Variants in MYH9 observed in about 807,000 individuals in gnomAD.
MYH9 encodes the protein myosin heavy chain 9.
MYH9 carries 29 observed loss-of-function variants against 241.9 expected under a neutral mutation model. The ratio of observed to expected loss-of-function variants is 0.12; its 90% confidence interval spans 0.09 to 0.16. The LOEUF (loss-of-function observed/expected upper bound fraction) is 0.16. Among genes scored for constraint, MYH9 ranks in the 10% least tolerant of loss-of-function variants. The pLI, the probability that MYH9 is intolerant of heterozygous loss-of-function variation, is 1.00. For missense variants in MYH9, 1,803 were observed against 2,595.5 expected (o/e 0.69, Z 6.63); for synonymous variants, 1,047 against 1,062.6 (o/e 0.99, Z 0.29).
rs2018383091 is a variant in MYH9, at chr22:36,387,901, G to A, written c.-114C>T. ...CGGCCGGGTGGGGCGAGCGCACGAG[G>A]CGGGAGCTGCAGCAGGTCAGCCTTG... is the stretch of plus-strand genomic sequence containing the variant. On this transcript the variant is annotated 5_prime_UTR_variant, in exon 1 of 41. Transcript: ENST00000216181. The A allele has an allele frequency of 6.6e-6, 1 of 152,218 alleles. No individual in the cohort carries two copies. The highest frequency in any genetic ancestry group is 1.5e-5 in the Non-Finnish European group (1 of 68,086). The allele number at this position is 152,218 out of a possible 1,614,324, so 9.4% of individuals were successfully genotyped here. A position where few individuals can be genotyped will look rare whatever the true frequency, so the allele number is the denominator to read the frequency against.
Position 36,288,494 on chromosome 22 carries a change from G to T in MYH9, c.4771-81C>A. On this transcript the variant is annotated intron_variant, in intron 33 of 40. Coordinates refer to ENST00000216181, the MANE Select transcript of MYH9 (RefSeq NM_002473.6). This position sits in a 1 kb window ranked among gnomAD's most constrained non-coding sequence, Gnocchi z 4.8. ...CTAGCTCTGAACTCAGGAGCCTCAG[G>T]CCAGTTCTGCAGGATCCATGGGGCC... 3 of 1,571,318 alleles carry T rather than the reference G, an allele frequency of 1.9e-6. No homozygotes were observed. Among genetic ancestry groups the T allele is most frequent in the Non-Finnish European group, 2.6e-6 (3 of 1,154,702 alleles).
At chr22:36,320,000 A>G (rs1159079412) in intron 9 of MYH9, among the ~76,000 whole-genome samples, 4 of 152,206 alleles carry the variant, frequency 2.6e-5, no homozygotes, top group Admixed American at 6.5e-5. Context: ...GCAGTTAAGA[A>G]CATGTCCTTT....
chr22:36,326,496 C>T (rs12627836), intron 5 of MYH9, 72 bp downstream of exon 5: 7 of 1,340,110 alleles, frequency 5.2e-6, no homozygotes, highest in Admixed American at 3.4e-5. Context: ...GCCGGGACCA[C>T]TAAGTGCTCT....
At chr22:36,356,171 T>C (rs1281445904) in intron 1 of MYH9, among the ~76,000 whole-genome samples, 1 of 152,216 alleles carries the variant, frequency 6.6e-6, no homozygotes, top group African/African-American at 2.4e-5. Flanking sequence ...TTTGTTTTTT[T>C]CCATCCCCAC....
Position 36,300,327 on chromosome 22 carries a change from G to A in MYH9, c.2839-63C>T. On this transcript the variant is annotated intron_variant, in intron 22 of 40. Transcript: ENST00000216181. The surrounding 1 kb of genome is among the most constrained non-coding windows in gnomAD (Gnocchi z 5.0). ...CAGAGGCATGGCCAAGGTGAAGGCA[G>A]CAAGGTCCGAAGGCCAGATCCAAAC... 6.2e-7 allele frequency: 1 copy of A among 1,603,236 alleles called. No homozygotes were observed. The highest frequency in any genetic ancestry group is 8.5e-7 in the Non-Finnish European group (1 of 1,178,270).
chr22:36,312,333 G>GATT, intron 13 of MYH9, 111 bp from the exon 14 acceptor site: 3 of 1,099,678 alleles, frequency 2.7e-6, no homozygotes, highest in Non-Finnish European at 4.0e-6. Context: ...CAGACGGTGG[G>GATT]CGACACACTC....
Position 36,306,082 on chromosome 22 carries a change from ACTTCCGTG to A in MYH9, c.2038-39_2038-32del. ...GAAGAAAACACATGCATGCGGTCTC[ACTTCCGTG>A]CCTAGAACAGTCGGAGAATAGTCAG... On this transcript the variant is annotated intron_variant, in intron 16 of 40. Transcript: ENST00000216181. This position sits in a 1 kb window ranked among gnomAD's most constrained non-coding sequence, Gnocchi z 4.1. 1 of 1,611,726 alleles carries A rather than the reference ACTTCCGTG, an allele frequency of 6.2e-7. No homozygotes were observed. Among genetic ancestry groups the A allele is most frequent in the Non-Finnish European group, 8.5e-7 (1 of 1,179,960 alleles).
chr22:36,353,467 T>G (rs1949748903), intron 1 of MYH9, among the ~76,000 whole-genome samples: 1 of 151,846 alleles, frequency 6.6e-6, no homozygotes, highest in Non-Finnish European at 1.5e-5. Flanking sequence ...TTCAAGCAAT[T>G]CTCCTGTCTC....
Position 36,304,305 on chromosome 22 carries a change from CCTT to C in MYH9, c.2230-153_2230-151del, listed in dbSNP as rs565718456. 4.4e-4 allele frequency: 361 copies of C among 812,666 alleles called. 1 individual carries two copies. In the African/African-American group the frequency reaches 5.2e-3, roughly 12 times the overall value. 50.3% of individuals were successfully genotyped at this position (812,666 alleles called of 1,614,324 possible). ...GAGCAGAAAGCCATCTCCTCTCCCT[CCTT>C]CTTCCTGTTCCCTATCTCCCCGTCA... On this transcript the variant is annotated intron_variant, in intron 18 of 40. Transcript: ENST00000216181.
chr22:36,368,037 C>T (rs1420099888), intron 1 of MYH9, among the ~76,000 whole-genome samples: 2 of 152,134 alleles, frequency 1.3e-5, no homozygotes, highest in African/African-American at 4.8e-5. Flanking sequence ...ATACAGACAC[C>T]CCAGAGGATG....
At chr22:36,368,658 C>T (rs2018046035) in intron 1 of MYH9, among the ~76,000 whole-genome samples, 1 of 152,128 alleles carries the variant, frequency 6.6e-6, no homozygotes, top group Admixed American at 6.5e-5. Context: ...TCTAAGATAA[C>T]AGTGCTGGGA....
chr22:36,323,824 C>T (rs1483709332), intron 5 of MYH9, among the ~76,000 whole-genome samples: 1 of 152,212 alleles, frequency 6.6e-6, no homozygotes, highest in African/African-American at 2.4e-5. Flanking sequence ...GCTCTAGTGC[C>T]CGCCCCTGAA....
In MYH9 at chr22:36,282,935, C is replaced by T. The variant is rs933238320; in HGVS notation, c.5766-150G>A. ...AAGAAGCAAAGTGGAGTCTTGGGAGCCACAGCTGAGCTAGACAGGACCACT... is the reference window on the plus strand; with the variant it reads ...AAGAAGCAAAGTGGAGTCTTGGGAGTCACAGCTGAGCTAGACAGGACCACT... On this transcript the variant is annotated intron_variant, in intron 40 of 40. Coordinates refer to ENST00000216181, the MANE Select transcript of MYH9 (RefSeq NM_002473.6). 1.5e-5 allele frequency: 11 copies of T among 714,334 alleles called. No individual in the cohort carries two copies. In the African/African-American group the frequency reaches 2.0e-4, roughly 13 times the overall value. The allele number at this position is 714,334 out of a possible 1,614,324, so 44.2% of individuals were successfully genotyped here.
intron 14 of MYH9, among the ~76,000 whole-genome samples, chr22:36,310,559 C>G (rs2017044801): frequency 6.6e-6 from 1 of 152,214 alleles, no homozygotes; most frequent in African/African-American, 2.4e-5. Context: ...CAAGCGAATG[C>G]ACGCTGCTGC....
At chr22:36,349,313 C>T (rs1448894966) in intron 1 of MYH9, 58 bp from the exon 2 acceptor site, 6 of 1,242,620 alleles carry the variant, frequency 4.8e-6, no homozygotes, top group Non-Finnish European at 5.8e-6. Context: ...CACACAAGAT[C>T]ACTCATGCTC....
At chr22:36,348,837 A>AGCCCCCC in intron 2 of MYH9, 67 bp downstream of exon 2, 1 of 539,150 alleles carries the variant, frequency 1.9e-6, no homozygotes. Flanking sequence ...TGATGGGAAG[A>AGCCCCCC]CCCGCCCCCC....
Position 36,320,192 on chromosome 22 carries a change from C to A in MYH9, c.1012+28G>T. 4 of 1,613,932 alleles carry A rather than the reference C, an allele frequency of 2.5e-6. No individual in the cohort carries two copies. Among genetic ancestry groups the A allele is most frequent in the Non-Finnish European group, 3.4e-6 (4 of 1,179,990 alleles). On this transcript the variant is annotated intron_variant, in intron 9 of 40. Transcript: ENST00000216181. This position sits in a 1 kb window ranked among gnomAD's most constrained non-coding sequence, Gnocchi z 4.8. ...GGTACCAGCCTTCCTCTGCCCCACA[C>A]TCGACCATAGGAGGGCCAGCCCTGT...
At chr22:36,299,174 G>T in intron 23 of MYH9, 132 bp from the exon 24 acceptor site, 1 of 1,269,588 alleles carries the variant, frequency 7.9e-7, no homozygotes, top group Non-Finnish European at 1.1e-6. Flanking sequence ...AGTTCATTAG[G>T]ATTTTCCTAG....
At chr22:36,355,259 T>C (rs2017837684) in intron 1 of MYH9, among the ~76,000 whole-genome samples, 1 of 152,188 alleles carries the variant, frequency 6.6e-6, no homozygotes. Context: ...CAGGAAATGA[T>C]GAAACTGAAA....
Sources: allele counts gnomAD v4.1 joint callset (sites outside exome capture counted in the v4.1 genomes callset), GRCh38; gene constraint gnomAD v4.1.1; non-coding constraint Gnocchi (gnomAD v3.1); transcripts MANE v1.5; gene names NCBI Gene and HGNC (gene_info 2026-07-23, HGNC 2026-07-21).